The following FAT3 variants were observed in gnomAD, a reference collection of about 807,000 sequenced individuals.
FAT3 encodes FAT atypical cadherin 3.
FAT3 carries 95 observed loss-of-function variants against 310.2 expected under a neutral mutation model. That is an observed-to-expected ratio of 0.31 (90% CI 0.26 to 0.36). The LOEUF (loss-of-function observed/expected upper bound fraction) is 0.36, where lower values mean the gene tolerates loss of function less well. Among genes scored for constraint, FAT3 ranks in the 10% least tolerant of loss-of-function variants. FAT3 has a pLI of 1.00. For missense variants in FAT3, 5,408 were observed against 5,715.6 expected (o/e 0.95, Z 1.74); for synonymous variants, 2,314 against 2,192.9 (o/e 1.06, Z -1.54).
chr11:92,516,591 C>T (rs1254241761), intron 2 of FAT3, among the ~76,000 whole-genome samples: 1 of 152,110 alleles, frequency 6.6e-6, no homozygotes, highest in African/African-American at 2.4e-5. Flanking sequence ...GACAAGGATG[C>T]CCTCTCTCAC....
intron 13 of FAT3, among the ~76,000 whole-genome samples, chr11:92,825,165 A>G (rs190823728): frequency 8.5e-4 from 129 of 152,326 alleles, no homozygotes; most frequent in Non-Finnish European, 1.4e-3. Context: ...CAATGGACAT[A>G]TATGTGTACT....
intron 4 of FAT3, among the ~76,000 whole-genome samples, chr11:92,713,697 T>G (rs1180371557): frequency 6.6e-6 from 1 of 152,196 alleles, no homozygotes; most frequent in Non-Finnish European, 1.5e-5. Flanking sequence ...GCTTTCAAAT[T>G]TGCATTTTTC....
chr11:92,656,923 C>T (rs1403998050), intron 3 of FAT3, among the ~76,000 whole-genome samples: 1 of 152,026 alleles, frequency 6.6e-6, no homozygotes, highest in Non-Finnish European at 1.5e-5. Context: ...CTTCCCACCC[C>T]CTAAACACCT....
At chr11:92,475,326 A>G (rs1475572926) in intron 2 of FAT3, among the ~76,000 whole-genome samples, 1 of 152,156 alleles carries the variant, frequency 6.6e-6, no homozygotes, top group African/African-American at 2.4e-5. Flanking sequence ...ACATACCAGT[A>G]ATGATCTGCT....
At chr11:92,710,972 A>G (rs1944500934) in intron 4 of FAT3, among the ~76,000 whole-genome samples, 1 of 152,230 alleles carries the variant, frequency 6.6e-6, no homozygotes, top group Non-Finnish European at 1.5e-5. Flanking sequence ...ATTATTTCCG[A>G]TTATAGAAAT....
intron 2 of FAT3, among the ~76,000 whole-genome samples, chr11:92,362,164 G>C (rs1948898209): frequency 6.6e-6 from 1 of 152,156 alleles, no homozygotes; most frequent in Non-Finnish European, 1.5e-5. Flanking sequence ...GCATATCTGA[G>C]CACAGAATGC....
chr11:92,477,648 G>GCTT (rs1952083825), intron 2 of FAT3, among the ~76,000 whole-genome samples: 1 of 152,126 alleles, frequency 6.6e-6, no homozygotes, highest in Non-Finnish European at 1.5e-5. Flanking sequence ...TTGAGTGTGA[G>GCTT]CTTCTCAAAG....
chr11:92,680,003 T>A (rs1416865727), intron 3 of FAT3, among the ~76,000 whole-genome samples: 1 of 152,050 alleles, frequency 6.6e-6, no homozygotes, highest in Non-Finnish European at 1.5e-5. Flanking sequence ...TGAATATTTG[T>A]CCCTTGTTTG....
At chr11:92,491,024 CAGTT>C (rs1952583559) in intron 2 of FAT3, among the ~76,000 whole-genome samples, 1 of 151,992 alleles carries the variant, frequency 6.6e-6, no homozygotes, top group South Asian at 2.1e-4. Flanking sequence ...GTAAATAAAA[CAGTT>C]AGGGGCCTTG....
At chr11:92,585,214 T>C (rs1045908342) in intron 3 of FAT3, among the ~76,000 whole-genome samples, 8 of 152,074 alleles carry the variant, frequency 5.3e-5, no homozygotes, top group South Asian at 2.1e-4. Context: ...TAGGGCTGGA[T>C]ATGATAATAA....
At chr11:92,887,790 C>G (rs182166389) in intron 25 of FAT3, among the ~76,000 whole-genome samples, 1 of 152,048 alleles carries the variant, frequency 6.6e-6, no homozygotes, top group Non-Finnish European at 1.5e-5. Context: ...GAACCAGCTT[C>G]GGAGGATGGG....
intron 13 of FAT3, among the ~76,000 whole-genome samples, chr11:92,821,223 A>G (rs1266599140): frequency 6.6e-6 from 1 of 152,232 alleles, no homozygotes; most frequent in Admixed American, 6.5e-5. Flanking sequence ...AGACTTTCCC[A>G]AGATGACTTA....
chr11:92,696,134 A>G (rs1306534314), intron 3 of FAT3, among the ~76,000 whole-genome samples: 10 of 152,042 alleles, frequency 6.6e-5, no homozygotes, highest in Admixed American at 6.6e-4. Context: ...GTGTATATAT[A>G]TATATACCTA....
At chr11:92,282,891 C>A (rs1946467174) in intron 1 of FAT3, among the ~76,000 whole-genome samples, 1 of 152,040 alleles carries the variant, frequency 6.6e-6, no homozygotes, top group Non-Finnish European at 1.5e-5. Flanking sequence ...CCTGACCAGG[C>A]AATTGAAAAT....
At chr11:92,858,210 A>T (rs1435131027) in intron 20 of FAT3, among the ~76,000 whole-genome samples, 1 of 152,246 alleles carries the variant, frequency 6.6e-6, no homozygotes, top group Non-Finnish European at 1.5e-5. Context: ...AAGCTCCTTC[A>T]TAGCTGATTT....
At chr11:92,804,665 T>A (rs897919952) in intron 10 of FAT3, among the ~76,000 whole-genome samples, 2 of 152,188 alleles carry the variant, frequency 1.3e-5, no homozygotes, top group African/African-American at 4.8e-5. Context: ...AAACTCCAGT[T>A]CTTATGAGAA....
intron 2 of FAT3, among the ~76,000 whole-genome samples, chr11:92,393,250 G>A (rs997236425): frequency 6.6e-6 from 1 of 152,108 alleles, no homozygotes; most frequent in Non-Finnish European, 1.5e-5. Flanking sequence ...GTGCCTGAGT[G>A]TGTGTATGCA....
intron 1 of FAT3, among the ~76,000 whole-genome samples, chr11:92,278,513 T>G (rs1307937183): frequency 1.3e-5 from 2 of 152,128 alleles, no homozygotes; most frequent in African/African-American, 4.8e-5. Flanking sequence ...TCTAGAAATC[T>G]CCCTATGTAA....
rs930925189 is a variant in FAT3, at chr11:92,358,764, T to G, written c.3292+3360T>G. ...GGTGTCACCTTGGTGCCACTGAATTTTTACTACTGTTGAATGATCCATCAA... is the reference window on the plus strand; with the variant it reads ...GGTGTCACCTTGGTGCCACTGAATTGTTACTACTGTTGAATGATCCATCAA... On this transcript the variant is annotated intron_variant, in intron 2 of 27. Coordinates refer to ENST00000525166, the MANE Select transcript of FAT3 (RefSeq NM_001367949.2). Among the ~76,000 whole-genome samples, 5 of 152,244 alleles carry G rather than the reference T, an allele frequency of 3.3e-5. No individual in the cohort carries two copies. The East Asian group carries it at 9.7e-4, about 29-fold the overall frequency.
Sources: gnomAD v4.1 joint callset for allele counts (sites outside exome capture counted in the v4.1 genomes callset) on GRCh38, gnomAD v4.1.1 for gene constraint, MANE v1.5 for transcripts, NCBI Gene and HGNC (gene_info 2026-07-23, HGNC 2026-07-21) for gene names.